USP9X: variants seen among roughly 807,000 people sequenced by gnomAD.
USP9X encodes the protein ubiquitin carboxyl-terminal hydrolase 9X.
In USP9X, 7 loss-of-function variants were observed where a neutral mutation model predicts 190.3. That is an observed-to-expected ratio of 0.04 (90% CI 0.02 to 0.07). The LOEUF (loss-of-function observed/expected upper bound fraction) is 0.07. Ranked by LOEUF, USP9X falls within the 10% of genes least tolerant of loss-of-function variation. USP9X has a pLI of 1.00. For synonymous variants in USP9X, 645 were observed against 659.5 expected, an observed-to-expected ratio of 0.98 and a Z score of 0.34; for missense variants, 1,010 against 1,916.9, an observed-to-expected ratio of 0.53 and a Z score of 8.83.
chrX:41,172,052 A>G (rs1656991854), intron 21 of USP9X, 94 bp downstream of exon 21: 1 of 1,026,502 alleles, frequency 9.7e-7, no homozygotes. Context: ...TTTTTGGTAT[A>G]GACTATAACA....
chrX:41,171,968 T>C lies in USP9X; in HGVS notation c.3148+10T>C. On this transcript the variant is annotated intron_variant, in intron 21 of 44. Transcript: ENST00000378308. Reference sequence around the variant, plus strand: ...AAACTTATGCCGCCAGGTAAGAATTTTTAAATGATGATCAAGTACTTGCTG... The same window carrying C: ...AAACTTATGCCGCCAGGTAAGAATTCTTAAATGATGATCAAGTACTTGCTG... 2 of 1,209,183 alleles carry C rather than the reference T, an allele frequency of 1.7e-6. No homozygotes were observed. Among genetic ancestry groups the C allele is most frequent in the South Asian group, 1.8e-5 (1 of 56,385 alleles).
chrX:41,220,807 TAGC>T (rs1405572834), intron 38 of USP9X, among the ~76,000 whole-genome samples: 5 of 105,627 alleles, frequency 4.7e-5, no homozygotes, highest in African/African-American at 1.7e-4. Flanking sequence ...ATACAAAAAT[TAGC>T]AGGGCGTGGT....
chrX:41,186,046 A>G (rs1002628675), intron 23 of USP9X, among the ~76,000 whole-genome samples: 1 of 111,762 alleles, frequency 8.9e-6, no homozygotes, highest in African/African-American at 3.3e-5. Flanking sequence ...TGATTATAGC[A>G]TTAAGTAAAA....
At chrX:41,134,935 G>A (rs923427456) in intron 5 of USP9X, 98 bp downstream of exon 5, 12 of 623,860 alleles carry the variant, frequency 1.9e-5, no homozygotes, top group African/African-American at 4.6e-5. Flanking sequence ...TATTTATTCT[G>A]TTATAATTGA....
Position 41,123,313 on chromosome X carries a change from A to G in USP9X, c.-158-158A>G, listed in dbSNP as rs181170780. Among the ~76,000 whole-genome samples, 12 of 112,111 alleles carry G rather than the reference A, an allele frequency of 1.1e-4. No individual in the cohort carries two copies. In the East Asian group the frequency reaches 3.3e-3, roughly 31 times the overall value. ...GTACCAATGATCAGTTTTAAGTTAA[A>G]TGTAGTATTAATGAAACTTCAGCTT... is the stretch of plus-strand genomic sequence containing the variant. On this transcript the variant is annotated intron_variant, in intron 1 of 44. Transcript: ENST00000378308.
intron 43 of USP9X, among the ~76,000 whole-genome samples, 188 bp from the exon 44 acceptor site, chrX:41,230,313 A>G (rs1235792262): frequency 1.9e-5 from 2 of 103,353 alleles, no homozygotes; most frequent in African/African-American, 3.5e-5. Context: ...TTCTGAGAGA[A>G]TGCAAATCAG....
intron 33 of USP9X, 47 bp downstream of exon 33, chrX:41,210,729 A>G: frequency 1.8e-6 from 2 of 1,141,316 alleles, no homozygotes; most frequent in Non-Finnish European, 2.3e-6. Flanking sequence ...CCATGTATAT[A>G]CTAACAGAAA....
At chrX:41,143,268 C>T in intron 9 of USP9X, 23 bp from the exon 10 acceptor site, 1 of 1,081,030 alleles carries the variant, frequency 9.3e-7, no homozygotes, top group Non-Finnish European at 1.2e-6. Flanking sequence ...TGCTTTCAAA[C>T]ACGTTTTTGA....
intron 1 of USP9X, among the ~76,000 whole-genome samples, chrX:41,088,354 CAG>C (rs1396471831): frequency 8.9e-6 from 1 of 111,849 alleles, no homozygotes; most frequent in Non-Finnish European, 1.9e-5. Context: ...GCTATCTTCT[CAG>C]AGATTTTTCT....
intron 4 of USP9X, among the ~76,000 whole-genome samples, chrX:41,131,826 T>C (rs946034196): frequency 1.8e-5 from 2 of 111,922 alleles, no homozygotes; most frequent in African/African-American, 6.5e-5. Context: ...TTATCTGTTA[T>C]GGGAAATACT....
intron 31 of USP9X, among the ~76,000 whole-genome samples, chrX:41,203,917 C>T (rs774473527): frequency 2.7e-5 from 3 of 111,389 alleles, no homozygotes; most frequent in African/African-American, 6.5e-5. Flanking sequence ...AGGCTGGTCT[C>T]GAACTCCTGA....
chrX:41,130,532 A>G (rs1216141757), intron 3 of USP9X, among the ~76,000 whole-genome samples: 3 of 100,461 alleles, frequency 3.0e-5, no homozygotes, highest in Non-Finnish European at 6.0e-5. Context: ...CTCTGTCACC[A>G]GGCTGGAGTG....
intron 32 of USP9X, among the ~76,000 whole-genome samples, chrX:41,207,711 C>T (rs1336835028): frequency 1.8e-5 from 2 of 111,058 alleles, no homozygotes; most frequent in Non-Finnish European, 3.8e-5. Flanking sequence ...GCTTCCCGGC[C>T]AGCTGAGAGG....
Position 41,127,037 on chromosome X carries a change from T to G in USP9X, c.97-1963T>G, listed in dbSNP as rs961796562. 6.3e-5 allele frequency among the ~76,000 whole-genome samples: 7 copies of G among 111,303 alleles called. No individual in the cohort carries two copies. In the Admixed American group the frequency reaches 6.7e-4, roughly 11 times the overall value. On this transcript the variant is annotated intron_variant, in intron 2 of 44. Coordinates refer to ENST00000378308, the MANE Select transcript of USP9X (RefSeq NM_001039591.3). ...TGTGGTTGCTGGGAGGGTGCAAATT[T>G]TCTGGAATGAAATTTGGCAGTATTT... is the stretch of plus-strand genomic sequence containing the variant.
chrX:41,214,552 T>C lies in USP9X; in HGVS notation c.5190-16T>C, dbSNP rs2063195111. The C allele has an allele frequency of 3.5e-6, 4 of 1,148,398 alleles. No homozygotes were observed. Among genetic ancestry groups the C allele is most frequent in the Non-Finnish European group, 3.5e-6 (3 of 868,418 alleles). The allele number at this position is 1,148,398 out of a possible 1,213,427, so 94.6% of individuals were successfully genotyped here. ...ACAAAACTAAGGGATAAATCCTTTT[T>C]TTAAATCGTTTTTAGGTACGAATGT... On this transcript the variant is annotated splice_polypyrimidine_tract_variant and intron_variant, in intron 33 of 44. Transcript: ENST00000378308.
At position 41,141,288 on chromosome X, in the gene USP9X, T is replaced by TA; in HGVS notation, c.1023-4dup. On this transcript the variant is annotated splice_region_variant and splice_polypyrimidine_tract_variant and intron_variant, in intron 8 of 44. Transcript: ENST00000378308. ...ATCATACTTATCACTGAATTTTTCTTACAGATTATTGCAAATTTCTTCTTT... is the reference window on the plus strand; with the variant it reads ...ATCATACTTATCACTGAATTTTTCTTAACAGATTATTGCAAATTTCTTCTTT... The TA allele has an allele frequency of 8.3e-7, 1 of 1,198,529 alleles. No individual in the cohort carries two copies. The highest frequency in any genetic ancestry group is 1.1e-6 in the Non-Finnish European group (1 of 890,890).
Position 41,140,978 on chromosome X carries a change from A to G in USP9X, c.783A>G (p.Gln261=), listed in dbSNP as rs756692872. The G allele has an allele frequency of 9.9e-5, 117 of 1,182,793 alleles. No individual in the cohort carries two copies. Among genetic ancestry groups the G allele is most frequent in the Non-Finnish European group, 1.3e-4 (115 of 886,246 alleles). ...IIAALIKPFG[Q]CYEFLTLHTV... Reference sequence around the variant, plus strand: ...TTTCTTATTTCAGACCATTTGGGCAATGCTATGAGTTTCTCACTCTTCATA... The same window carrying G: ...TTTCTTATTTCAGACCATTTGGGCAGTGCTATGAGTTTCTCACTCTTCATA... Residue 261 remains glutamine (Q), a synonymous_variant, in exon 8 of 45, where the codon CAA becomes CAG. Transcript: ENST00000378308.
chrX:41,230,960 A>G lies in USP9X; in HGVS notation c.7527+364A>G, dbSNP rs1035197642. ...CCAAAAACATTATTAAGATATGGCA[A>G]TGAAGTAAGAAGTCCTTGGTTACTT... On this transcript the variant is annotated intron_variant, in intron 44 of 44. Coordinates refer to ENST00000378308, the MANE Select transcript of USP9X (RefSeq NM_001039591.3). Among the ~76,000 whole-genome samples the G allele has an allele frequency of 7.1e-5, 8 of 112,183 alleles. 1 individual carries two copies. The highest frequency in any genetic ancestry group is 1.6e-4 in the African/African-American group (5 of 30,827).
At chrX:41,227,094 A>T (rs1192878631) in intron 41 of USP9X, among the ~76,000 whole-genome samples, 1 of 112,440 alleles carries the variant, frequency 8.9e-6, no homozygotes, top group East Asian at 2.8e-4. Context: ...GTGTAATGAG[A>T]TTAGTAAGAT....
Sources: allele counts gnomAD v4.1 joint callset (sites outside exome capture counted in the v4.1 genomes callset), GRCh38; gene constraint gnomAD v4.1.1; transcripts MANE v1.5; gene names NCBI Gene and HGNC (gene_info 2026-07-23, HGNC 2026-07-21).